Variants in SLC24A3 observed in about 807,000 individuals in gnomAD.
SLC24A3 encodes sodium/potassium/calcium exchanger 3.
SLC24A3 carries 28 observed loss-of-function variants against 75.8 expected under a neutral mutation model. The observed-to-expected ratio is 0.37, with a 90% CI of 0.27 to 0.51. The LOEUF (loss-of-function observed/expected upper bound fraction) is 0.51. SLC24A3 is among the 20% of genes least tolerant of loss of function. The pLI is 0.94. For synonymous variants in SLC24A3, 372 were observed against 334.1 expected, an observed-to-expected ratio of 1.11 and a Z score of -1.24; for missense variants, 663 against 847.8, an observed-to-expected ratio of 0.78 and a Z score of 2.71.
intron 6 of SLC24A3, among the ~76,000 whole-genome samples, chr20:19,590,211 C>T (rs533831801): frequency 6.6e-6 from 1 of 151,974 alleles, no homozygotes; most frequent in Admixed American, 6.5e-5. Context: ...AAACAATGTG[C>T]AGCTAGAAGT....
At chr20:19,603,534 C>T (rs756017431) in intron 6 of SLC24A3, among the ~76,000 whole-genome samples, 8 of 152,152 alleles carry the variant, frequency 5.3e-5, no homozygotes, top group Non-Finnish European at 1.0e-4. Flanking sequence ...GTGACCAAAT[C>T]CCTCCTGAGT....
chr20:19,717,674 G>A (rs1244644915), intron 16 of SLC24A3, 81 bp downstream of exon 16: 28 of 1,526,198 alleles, frequency 1.8e-5, no homozygotes, highest in Non-Finnish European at 2.5e-5. Context: ...AGATGAGCTT[G>A]GTCTCCTGGT....
At chr20:19,624,960 G>T (rs918724882) in intron 6 of SLC24A3, among the ~76,000 whole-genome samples, 3 of 152,140 alleles carry the variant, frequency 2.0e-5, no homozygotes, top group Non-Finnish European at 2.9e-5. Context: ...CAATGGAATG[G>T]TTCTTATGAT....
In SLC24A3 at chr20:19,507,167, A is replaced by T. The variant is rs554839092; in HGVS notation, c.272-8321A>T. Among the ~76,000 whole-genome samples the T allele has an allele frequency of 4.6e-5, 7 of 152,370 alleles. No individual in the cohort carries two copies. In the South Asian group the frequency reaches 1.4e-3, roughly 32 times the overall value. On this transcript the variant is annotated intron_variant, in intron 2 of 16. Transcript: ENST00000328041. ...TTATGACAAATGTGTTAATTGCCTC[A>T]ACCAACACTATTAAGTGATTTGTGT...
rs117054620 is a variant in SLC24A3 at position 19,233,782 on chromosome 20, C to T, written c.142+20798C>T. On this transcript the variant is annotated intron_variant, in intron 1 of 16. Transcript: ENST00000328041. Reference sequence around the variant, plus strand: ...CAAGAGTGAAGGGCATTGCCTAGAACAGGAGTGCTGGACAGTGACTCTAGA... The same window carrying T: ...CAAGAGTGAAGGGCATTGCCTAGAATAGGAGTGCTGGACAGTGACTCTAGA... 1.4e-3 allele frequency among the ~76,000 whole-genome samples: 214 copies of T among 152,312 alleles called. 1 individual carries two copies. Among genetic ancestry groups the T allele is most frequent in the Non-Finnish European group, 2.2e-3 (149 of 68,026 alleles).
At chr20:19,673,702 A>G in intron 9 of SLC24A3, 48 bp downstream of exon 9, 1 of 1,500,512 alleles carries the variant, frequency 6.7e-7, no homozygotes, top group Non-Finnish European at 9.3e-7. Context: ...CTTGCATTCC[A>G]CATTATGTGA....
At chr20:19,484,872 A>G (rs1988107318) in intron 2 of SLC24A3, among the ~76,000 whole-genome samples, 1 of 152,270 alleles carries the variant, frequency 6.6e-6, no homozygotes. Context: ...CGAAAAAATT[A>G]AAACTAACTT....
chr20:19,681,739 C>T (rs6112515), intron 9 of SLC24A3, 119 bp from the exon 10 acceptor site: 95,661 of 1,506,922 alleles, frequency 0.063, 3,432 homozygotes, highest in Middle Eastern at 0.14. Flanking sequence ...ACACTAATAA[C>T]TTGAGGCCTG....
intron 2 of SLC24A3, among the ~76,000 whole-genome samples, chr20:19,282,317 CA>C (rs1232290152): frequency 6.6e-6 from 1 of 152,002 alleles, no homozygotes; most frequent in African/African-American, 2.4e-5. Flanking sequence ...CAAAAACAAA[CA>C]AAAAAAATAC....
At chr20:19,393,371 C>A (rs1020960032) in intron 2 of SLC24A3, among the ~76,000 whole-genome samples, 1 of 151,980 alleles carries the variant, frequency 6.6e-6, no homozygotes, top group East Asian at 1.9e-4. Flanking sequence ...CACTGGAAAT[C>A]CTAATCAGAG....
Position 19,508,889 on chromosome 20 carries a change from A to G in SLC24A3, c.272-6599A>G, listed in dbSNP as rs573366193. Among the ~76,000 whole-genome samples, 126 of 152,358 alleles carry G rather than the reference A, an allele frequency of 8.3e-4. 2 individuals carry two copies. Among genetic ancestry groups the G allele is most frequent in the South Asian group, 2.3e-3 (11 of 4,830 alleles). ...CCCCAACAGGCTGAGTACCAGAAGC[A>G]CCTGCCTAGAGGCACATGCATTTAT... On this transcript the variant is annotated intron_variant, in intron 2 of 16. Transcript: ENST00000328041.
At position 19,687,956 on chromosome 20, in the gene SLC24A3, C is replaced by T. The variant is rs1226367723; in HGVS notation, c.1324+2595C>T. Among the ~76,000 whole-genome samples the T allele has an allele frequency of 3.8e-4, 58 of 152,178 alleles. 1 individual carries two copies. Among genetic ancestry groups the T allele is most frequent in the Admixed American group, 3.8e-3 (58 of 15,280 alleles). ...GGCATCTCACCCCCAACAGATGCTT[C>T]ACCTGAGGCTCAGGAACCCCACATC... On this transcript the variant is annotated intron_variant, in intron 12 of 16. Coordinates refer to ENST00000328041, the MANE Select transcript of SLC24A3 (RefSeq NM_020689.4).
intron 2 of SLC24A3, among the ~76,000 whole-genome samples, chr20:19,337,963 A>G (rs572786771): frequency 7.0e-4 from 107 of 152,244 alleles, no homozygotes; most frequent in Non-Finnish European, 1.3e-3. Flanking sequence ...TATCTTGCCC[A>G]TATCAAGTCA....
chr20:19,337,967 C>G (rs951145094), intron 2 of SLC24A3, among the ~76,000 whole-genome samples: 7 of 152,016 alleles, frequency 4.6e-5, no homozygotes, highest in African/African-American at 1.7e-4. Flanking sequence ...TTGCCCATAT[C>G]AAGTCACAAA....
chr20:19,364,394 C>A (rs1478249972), intron 2 of SLC24A3, among the ~76,000 whole-genome samples: 5 of 152,026 alleles, frequency 3.3e-5, no homozygotes, highest in Admixed American at 2.6e-4. Context: ...GCCCTGAGAC[C>A]AACAGATTCC....
chr20:19,712,005 G>C (rs1270851102), intron 15 of SLC24A3, among the ~76,000 whole-genome samples: 1 of 152,072 alleles, frequency 6.6e-6, no homozygotes, highest in Non-Finnish European at 1.5e-5. Flanking sequence ...GGAGTGCAGT[G>C]GTGGGATCAC....
At chr20:19,532,368 C>T (rs975342101) in intron 3 of SLC24A3, among the ~76,000 whole-genome samples, 10 of 152,172 alleles carry the variant, frequency 6.6e-5, no homozygotes, top group African/African-American at 2.4e-4. Flanking sequence ...CCCTCATCCA[C>T]AAGGGGCATT....
At chr20:19,608,278 G>A (rs1600301066) in intron 6 of SLC24A3, among the ~76,000 whole-genome samples, 1 of 152,338 alleles carries the variant, frequency 6.6e-6, no homozygotes, top group East Asian at 1.9e-4. Context: ...TGGTGATGAT[G>A]ATATGGAGTA....
chr20:19,228,444 C>T (rs909096416), intron 1 of SLC24A3, among the ~76,000 whole-genome samples: 7 of 152,104 alleles, frequency 4.6e-5, no homozygotes, highest in African/African-American at 1.4e-4. Flanking sequence ...TCAAGACCAT[C>T]CTGGCTAACA....
Sources: allele counts gnomAD v4.1 joint callset (sites outside exome capture counted in the v4.1 genomes callset), GRCh38; gene constraint gnomAD v4.1.1; transcripts MANE v1.5; gene names NCBI Gene and HGNC (gene_info 2026-07-23, HGNC 2026-07-21).